The following RBFOX1 variants were observed in gnomAD, a reference collection of about 807,000 sequenced individuals.
RBFOX1 encodes RNA binding protein fox-1 homolog 1.
A neutral mutation model predicts 57.7 loss-of-function variants in RBFOX1; 8 were observed. That is an observed-to-expected ratio of 0.14 (90% CI 0.08 to 0.25). RBFOX1 has a LOEUF of 0.25. Ranked by LOEUF, RBFOX1 falls within the 10% of genes least tolerant of loss-of-function variation. RBFOX1 has a pLI of 1.00. For missense variants in RBFOX1, 611 were observed against 548.5 expected, an observed-to-expected ratio of 1.11 and a Z score of -1.14; for synonymous variants, 326 against 222.4, an observed-to-expected ratio of 1.47 and a Z score of -4.15.
At chr16:6,250,380 A>T (rs954405528) in intron 1 of RBFOX1, among the ~76,000 whole-genome samples, 1 of 152,024 alleles carries the variant, frequency 6.6e-6, no homozygotes, top group African/African-American at 2.4e-5. Flanking sequence ...TAGGAAAGTC[A>T]CTCCTCTTGA....
chr16:6,860,624 C>G (rs1314068653), intron 3 of RBFOX1, among the ~76,000 whole-genome samples: 1 of 152,088 alleles, frequency 6.6e-6, no homozygotes, highest in African/African-American at 2.4e-5. Context: ...ATTAGGAAGA[C>G]AACAATCAAC....
chr16:6,184,125 G>A (rs2097089436), intron 1 of RBFOX1, among the ~76,000 whole-genome samples: 1 of 152,124 alleles, frequency 6.6e-6, no homozygotes, highest in Non-Finnish European at 1.5e-5. Flanking sequence ...TCTCATGAGA[G>A]TTATTCACTA....
At chr16:6,518,053 A>C (rs1052187097) in intron 2 of RBFOX1, among the ~76,000 whole-genome samples, 6 of 152,176 alleles carry the variant, frequency 3.9e-5, no homozygotes, top group Non-Finnish European at 8.8e-5. Context: ...TTGTTGAACT[A>C]ATTCAAGTTG....
chr16:6,836,933 C>T (rs1247213692), intron 3 of RBFOX1, among the ~76,000 whole-genome samples: 1 of 152,110 alleles, frequency 6.6e-6, no homozygotes, highest in Admixed American at 6.6e-5. Flanking sequence ...ACACACATTA[C>T]TTCCATATCA....
At chr16:7,180,356 C>G (rs767127983) in intron 4 of RBFOX1, among the ~76,000 whole-genome samples, 7 of 152,102 alleles carry the variant, frequency 4.6e-5, no homozygotes, top group Non-Finnish European at 8.8e-5. Context: ...GTTACAGATA[C>G]CACACACAAG....
At chr16:6,024,646 G>C (rs541299860) in intron 1 of RBFOX1, among the ~76,000 whole-genome samples, 1 of 152,120 alleles carries the variant, frequency 6.6e-6, no homozygotes, top group East Asian at 1.9e-4. Flanking sequence ...GCTCTGCCAC[G>C]CCTGGCTAGT....
At chr16:7,309,677 A>G (rs1164075844) in intron 4 of RBFOX1, among the ~76,000 whole-genome samples, 1 of 152,222 alleles carries the variant, frequency 6.6e-6, no homozygotes, top group African/African-American at 2.4e-5. Context: ...AAGAGGAAAC[A>G]TAATGCTTGT....
chr16:5,481,753 G>C (rs2069551102), intron 2 of RBFOX1, among the ~76,000 whole-genome samples: 1 of 152,160 alleles, frequency 6.6e-6, no homozygotes. Context: ...GAGGCTGCGA[G>C]TATGAGACCA....
At chr16:6,295,254 G>T (rs1266093002) in intron 1 of RBFOX1, among the ~76,000 whole-genome samples, 1 of 152,078 alleles carries the variant, frequency 6.6e-6, no homozygotes, top group East Asian at 1.9e-4. Flanking sequence ...CTCCCAAGTA[G>T]CTGGGATTAC....
At chr16:6,248,830 G>C (rs2097584816) in intron 1 of RBFOX1, among the ~76,000 whole-genome samples, 1 of 152,094 alleles carries the variant, frequency 6.6e-6, no homozygotes, top group South Asian at 2.1e-4. Flanking sequence ...ACATGCATTA[G>C]CTGTGAATAT....
At chr16:6,261,668 A>T (rs113118285) in intron 1 of RBFOX1, among the ~76,000 whole-genome samples, 13 of 152,080 alleles carry the variant, frequency 8.5e-5, no homozygotes, top group African/African-American at 2.9e-4. Flanking sequence ...GTGACAGAAA[A>T]CTCAGGAAAA....
intron 4 of RBFOX1, among the ~76,000 whole-genome samples, chr16:7,437,701 C>G (rs2098734005): frequency 6.6e-6 from 1 of 152,094 alleles, no homozygotes. Context: ...AAATATTTGT[C>G]TGGAGATTAG....
intron 3 of RBFOX1, among the ~76,000 whole-genome samples, chr16:5,724,965 A>G (rs998118991): frequency 2.6e-5 from 4 of 152,170 alleles, no homozygotes; most frequent in African/African-American, 9.6e-5. Context: ...GCCATGTATC[A>G]GGAGGTGTCT....
At chr16:5,275,309 C>G (rs1210528215) in intron 1 of RBFOX1, among the ~76,000 whole-genome samples, 1 of 152,068 alleles carries the variant, frequency 6.6e-6, no homozygotes, top group African/African-American at 2.4e-5. Flanking sequence ...GGGAATATTT[C>G]AAAGCTTATT....
intron 11 of RBFOX1, among the ~76,000 whole-genome samples, chr16:7,649,424 C>T (rs928322301): frequency 1.3e-5 from 2 of 152,158 alleles, no homozygotes; most frequent in African/African-American, 4.8e-5. Flanking sequence ...TCCTTAACCA[C>T]AAACATCTAG....
At chr16:5,984,974 A>T (rs376880181) in intron 4 of RBFOX1, among the ~76,000 whole-genome samples, 4,986 of 56,094 alleles carry the variant, frequency 0.089, 266 homozygotes, top group Middle Eastern at 0.12. Context: ...ATATATATAT[A>T]TATTTTTTTT....
intron 3 of RBFOX1, among the ~76,000 whole-genome samples, chr16:6,812,485 T>G (rs759932409): frequency 1.3e-5 from 2 of 152,118 alleles, no homozygotes; most frequent in Non-Finnish European, 2.9e-5. Flanking sequence ...GTGATTCTCT[T>G]GCCATAGCCT....
At chr16:6,517,327 G>T (rs936695017) in intron 2 of RBFOX1, among the ~76,000 whole-genome samples, 2 of 152,102 alleles carry the variant, frequency 1.3e-5, no homozygotes. Flanking sequence ...AGTATTCAAG[G>T]TTGCATCCTG....
At chr16:7,528,112 C>A (rs2079107795) in intron 5 of RBFOX1, among the ~76,000 whole-genome samples, 1 of 152,046 alleles carries the variant, frequency 6.6e-6, no homozygotes, top group Admixed American at 6.5e-5. Flanking sequence ...TTTTTAAGAC[C>A]CAAGGACATC....
Sources: gnomAD v4.1 joint callset for allele counts (sites outside exome capture counted in the v4.1 genomes callset) on GRCh38, gnomAD v4.1.1 for gene constraint, MANE v1.5 for transcripts, NCBI Gene and HGNC (gene_info 2026-07-23, HGNC 2026-07-21) for gene names.